ZEB1: variants seen among roughly 807,000 people sequenced by gnomAD.
The protein encoded by ZEB1 is zinc finger E-box binding homeobox 1.
A neutral mutation model predicts 84.9 loss-of-function variants in ZEB1; 21 were observed. That is an observed-to-expected ratio of 0.25 (90% CI 0.18 to 0.36). ZEB1 has a LOEUF of 0.36. ZEB1 is among the 10% of genes least tolerant of loss of function. ZEB1 has a pLI of 1.00. For synonymous variants in ZEB1, 420 were observed against 471.1 expected, an observed-to-expected ratio of 0.89 and a Z score of 1.41; for missense variants, 1,104 against 1,330.2, an observed-to-expected ratio of 0.83 and a Z score of 2.65.
intron 2 of ZEB1, among the ~76,000 whole-genome samples, chr10:31,467,942 G>T (rs12570408): frequency 6.6e-6 from 1 of 152,130 alleles, no homozygotes; most frequent in Admixed American, 6.5e-5. Flanking sequence ...TAATTGGGCC[G>T]GCTGCCAGGG....
At chr10:31,459,276 G>T (rs2061563068) in intron 1 of ZEB1, among the ~76,000 whole-genome samples, 1 of 152,066 alleles carries the variant, frequency 6.6e-6, no homozygotes, top group African/African-American at 2.4e-5. Flanking sequence ...AAAGCAGTAT[G>T]ATGTGATCAT....
intron 3 of ZEB1, among the ~76,000 whole-genome samples, chr10:31,500,009 A>G (rs1055543645): frequency 6.6e-6 from 1 of 152,106 alleles, no homozygotes; most frequent in Non-Finnish European, 1.5e-5. Context: ...TGAAAAGTGT[A>G]TACTATTTAA....
At chr10:31,379,366 C>T (rs998646561) in intron 1 of ZEB1, among the ~76,000 whole-genome samples, 7 of 151,860 alleles carry the variant, frequency 4.6e-5, no homozygotes, top group African/African-American at 1.7e-4. Context: ...CTGATATTCT[C>T]TTTCCTAAGG....
At chr10:31,433,972 T>G (rs368155037) in intron 1 of ZEB1, among the ~76,000 whole-genome samples, 1 of 151,454 alleles carries the variant, frequency 6.6e-6, no homozygotes, top group Non-Finnish European at 1.5e-5. Context: ...TTAGTTCAAA[T>G]AAGTTAAAGA....
Position 31,495,377 on chromosome 10 carries a change from T to G in ZEB1, c.260-399T>G, listed in dbSNP as rs1270427190. 2.0e-5 allele frequency among the ~76,000 whole-genome samples: 3 copies of G among 152,074 alleles called. No individual in the cohort carries two copies. In the East Asian group the frequency reaches 5.8e-4, roughly 29 times the overall value. ...CTTATAATCCTAAAATATTTATAAT[T>G]CCAGAATATCTAAATCTGTACTGCT... On this transcript the variant is annotated intron_variant, in intron 2 of 8. Coordinates refer to ENST00000424869, the MANE Select transcript of ZEB1 (RefSeq NM_001174096.2).
intron 1 of ZEB1, among the ~76,000 whole-genome samples, chr10:31,423,409 A>G (rs941660532): frequency 6.6e-6 from 1 of 152,166 alleles, no homozygotes; most frequent in Admixed American, 6.6e-5. Context: ...AACCAGGTGA[A>G]GGAAATGATT....
chr10:31,503,731 A>G (rs931245698), intron 4 of ZEB1, among the ~76,000 whole-genome samples: 5 of 151,604 alleles, frequency 3.3e-5, no homozygotes, highest in Non-Finnish European at 5.9e-5. Flanking sequence ...ACCAGCATTC[A>G]TTAGTTTTTG....
chr10:31,409,670 G>C (rs1479896713), intron 1 of ZEB1, among the ~76,000 whole-genome samples: 1 of 151,984 alleles, frequency 6.6e-6, no homozygotes, highest in African/African-American at 2.4e-5. Context: ...ATTTGTTTGT[G>C]TCCTCTCTTA....
At chr10:31,442,887 G>C (rs1048725554) in intron 1 of ZEB1, among the ~76,000 whole-genome samples, 1 of 152,194 alleles carries the variant, frequency 6.6e-6, no homozygotes, top group Non-Finnish European at 1.5e-5. Flanking sequence ...TGTTGGTGGA[G>C]TGTTGTAATT....
At chr10:31,363,400 G>T (rs2043750328) in intron 1 of ZEB1, 1 of 1,534,500 alleles carries the variant, frequency 6.5e-7, no homozygotes, top group South Asian at 1.2e-5. Flanking sequence ...ATTCTTTTCT[G>T]TCAAGCTCTT....
At chr10:31,471,484 A>G (rs2063238647) in intron 2 of ZEB1, among the ~76,000 whole-genome samples, 1 of 151,350 alleles carries the variant, frequency 6.6e-6, no homozygotes. Context: ...ATAATGGTAA[A>G]GGGATCAATT....
chr10:31,440,617 G>C (rs1317740000), intron 1 of ZEB1, among the ~76,000 whole-genome samples: 3 of 152,136 alleles, frequency 2.0e-5, no homozygotes, highest in Non-Finnish European at 4.4e-5. Flanking sequence ...GAGTCAAATT[G>C]TCCCTGTTTG....
intron 1 of ZEB1, among the ~76,000 whole-genome samples, chr10:31,356,399 T>C (rs928117295): frequency 7.9e-5 from 12 of 152,220 alleles, no homozygotes; most frequent in African/African-American, 1.4e-4. Flanking sequence ...ACACCACTTA[T>C]TAATGAATAT....
In ZEB1 at chr10:31,461,113, A is replaced by T; in HGVS notation, c.135A>T (p.Glu45Asp). The T allele has an allele frequency of 6.2e-7, 1 of 1,613,582 alleles. No individual in the cohort carries two copies. Among genetic ancestry groups the T allele is most frequent in the Non-Finnish European group, 8.5e-7 (1 of 1,179,722 alleles). The change falls in exon 2 of 9, where the codon GAA becomes GAT. Residue 45 changes from glutamate to aspartate, a missense_variant. By Grantham distance (45) the Glu-to-Asp change is conservative. This residue lies in a region of ZEB1 where 162 missense variants were observed against 184.5 expected (regional missense o/e 0.88). Transcript: ENST00000424869. ...ACAAACTGCATATTGTGGAAGAAGA[A>T]AGTGTTACAGATGCAGCTGACTGTG... ...DEDKLHIVEE[E>D]SVTDAADCEG...
chr10:31,495,980 T>C lies in ZEB1; in HGVS notation c.322+142T>C. The C allele has an allele frequency of 3.7e-6, 3 of 816,008 alleles. No homozygotes were observed. The Admixed American group carries it at 6.2e-5, about 17-fold the overall frequency. The allele number at this position is 816,008 out of a possible 1,614,324, so 50.5% of individuals were successfully genotyped here. A position where few individuals can be genotyped will look rare whatever the true frequency, so the allele number is the denominator to read the frequency against. On this transcript the variant is annotated intron_variant, in intron 3 of 8. Transcript: ENST00000424869. ...CCTTAAATGTTTAAGTACTTAGGCA[T>C]ATGGTGCACTACATAAAAAGAAGTA...
rs148698154 is a variant in ZEB1, at chr10:31,390,509, A to G, written c.59-70528A>G. ...GATATAAGGTTTACGAAATTTTACA[A>G]TTTTTGAATGATTACTTGAATTTAT... On this transcript the variant is annotated intron_variant, in intron 1 of 8. Coordinates refer to ENST00000424869, the MANE Select transcript of ZEB1 (RefSeq NM_001174096.2). Among the ~76,000 whole-genome samples the G allele has an allele frequency of 3.2e-3, 484 of 152,294 alleles. 2 individuals are homozygous for G. The highest frequency in any genetic ancestry group is 0.014 in the Middle Eastern group (4 of 294).
chr10:31,497,291 A>G (rs186606245), intron 3 of ZEB1, among the ~76,000 whole-genome samples: 227 of 152,238 alleles, frequency 1.5e-3, no homozygotes, highest in African/African-American at 5.2e-3. Flanking sequence ...GGTTTACAGT[A>G]TTTTATCTGT....
chr10:31,443,357 G>T (rs905687961), intron 1 of ZEB1, among the ~76,000 whole-genome samples: 1 of 150,734 alleles, frequency 6.6e-6, no homozygotes, highest in Non-Finnish European at 1.5e-5. Flanking sequence ...TTCATTTCAT[G>T]CTTATAATGG....
intron 2 of ZEB1, among the ~76,000 whole-genome samples, chr10:31,463,953 T>TA (rs1398105427): frequency 8.7e-4 from 132 of 152,338 alleles, no homozygotes; most frequent in African/African-American, 3.1e-3. Flanking sequence ...TTACTAGAGT[T>TA]ACGTCATACA....
Sources: gnomAD v4.1 joint callset for allele counts (sites outside exome capture counted in the v4.1 genomes callset) on GRCh38, gnomAD v4.1.1 for gene constraint, gnomAD v4.1.1 regional missense constraint, MANE v1.5 for transcripts, NCBI Gene and HGNC (gene_info 2026-07-23, HGNC 2026-07-21) for gene names.